Variants in PHYHIPL observed in about 807,000 individuals in gnomAD.
The protein encoded by PHYHIPL is phytanoyl-CoA 2-hydroxylase interacting protein like.
A neutral mutation model predicts 33.4 loss-of-function variants in PHYHIPL; 9 were observed. The ratio of observed to expected loss-of-function variants is 0.27; its 90% CI spans 0.16 to 0.47. The LOEUF (loss-of-function observed/expected upper bound fraction) is 0.47, where lower values mean the gene tolerates loss of function less well. Among genes scored for constraint, PHYHIPL ranks in the 20% least tolerant of loss-of-function variants. PHYHIPL has a pLI of 0.99. For missense variants in PHYHIPL, 365 were observed against 460.7 expected, an observed-to-expected ratio of 0.79 and a Z score of 1.90; for synonymous variants, 153 against 154.1, an observed-to-expected ratio of 0.99 and a Z score of 0.05.
chr10:59,224,872 A>G (rs1839885162), intron 1 of PHYHIPL, among the ~76,000 whole-genome samples: 2 of 152,142 alleles, frequency 1.3e-5, no homozygotes, highest in South Asian at 4.1e-4. Flanking sequence ...CTCTAAAGCC[A>G]TACTCAGAAA....
intron 1 of PHYHIPL, among the ~76,000 whole-genome samples, chr10:59,233,841 T>C (rs1323909988): frequency 6.6e-6 from 1 of 151,836 alleles, no homozygotes; most frequent in Non-Finnish European, 1.5e-5. Context: ...TATTTGTATA[T>C]GTAGTAAAAC....
At chr10:59,200,931 A>G (rs1839086186) in intron 1 of PHYHIPL, among the ~76,000 whole-genome samples, 4 of 151,956 alleles carry the variant, frequency 2.6e-5, no homozygotes, top group Admixed American at 2.0e-4. Context: ...TATTGTGTCT[A>G]TTTGATTCTT....
chr10:59,223,803 G>C lies in PHYHIPL; in HGVS notation c.107-10501G>C, dbSNP rs894231340. On this transcript the variant is annotated intron_variant, in intron 1 of 4. Transcript: ENST00000373880. ...GCCTCCCAAGTAGCTGAGACTAGGG[G>C]TGCATGCCACCACACCCAGCTAATT... Among the ~76,000 whole-genome samples the C allele has an allele frequency of 2.6e-5, 4 of 152,116 alleles. No homozygotes were observed. The South Asian group carries it at 8.3e-4, about 32-fold the overall frequency.
Position 59,245,316 on chromosome 10 carries a change from G to C in PHYHIPL, c.856G>C (p.Ala286Pro). 6.2e-7 allele frequency: 1 copy of C among 1,614,132 alleles called. No homozygotes were observed. Among genetic ancestry groups the C allele is most frequent in the East Asian group, 2.2e-5 (1 of 44,880 alleles). ...TTATCATTATGTGATTCTTGTTATT[G>C]CTCCTGTGGGATCACCAGGAGATGA... The part of the protein sequence containing the change: ...TAYHYVILVI[A>P]PVGSPGDEFC... Residue 286 changes from alanine to proline, a missense_variant, in exon 5 of 5, where the codon GCT becomes CCT. Around this residue, in one of 4 missense-constraint regions of PHYHIPL, gnomAD observed 196 missense variants for 224.9 expected, o/e 0.87. Coordinates refer to ENST00000373880, the MANE Select transcript of PHYHIPL (RefSeq NM_032439.4).
chr10:59,235,848 A>G (rs1840214434), intron 2 of PHYHIPL, among the ~76,000 whole-genome samples: 1 of 151,780 alleles, frequency 6.6e-6, no homozygotes, highest in Non-Finnish European at 1.5e-5. Flanking sequence ...TGACACATAG[A>G]CTCTATATTT....
intron 1 of PHYHIPL, among the ~76,000 whole-genome samples, chr10:59,222,717 G>T (rs184629157): frequency 4.0e-3 from 133 of 33,526 alleles, no homozygotes; most frequent in Middle Eastern, 0.017. Flanking sequence ...TCAGAAAAGT[G>T]GGGGGGGTTT....
At chr10:59,243,917 T>G (rs1483637055) in intron 4 of PHYHIPL, among the ~76,000 whole-genome samples, 2 of 152,122 alleles carry the variant, frequency 1.3e-5, no homozygotes, top group East Asian at 3.9e-4. Flanking sequence ...AAAGTTTTAC[T>G]CTTCATGGGA....
At chr10:59,237,662 T>C (rs541747047) in intron 3 of PHYHIPL, among the ~76,000 whole-genome samples, 2 of 152,026 alleles carry the variant, frequency 1.3e-5, no homozygotes, top group Admixed American at 6.6e-5. Context: ...TACTGTGAGC[T>C]AGGCACTGTA....
chr10:59,203,980 T>G (rs1839209790), intron 1 of PHYHIPL, among the ~76,000 whole-genome samples: 1 of 152,160 alleles, frequency 6.6e-6, no homozygotes, highest in African/African-American at 2.4e-5. Flanking sequence ...AAGGGTTATT[T>G]TCCGTTTACT....
At chr10:59,195,968 C>T (rs1258231458) in intron 1 of PHYHIPL, among the ~76,000 whole-genome samples, 1 of 151,988 alleles carries the variant, frequency 6.6e-6, no homozygotes, top group African/African-American at 2.4e-5. Context: ...TTAATGTTAG[C>T]TATAGAGCTT....
chr10:59,186,600 A>G (rs1370758458), intron 1 of PHYHIPL, among the ~76,000 whole-genome samples: 2 of 152,222 alleles, frequency 1.3e-5, no homozygotes, highest in East Asian at 3.8e-4. Flanking sequence ...ATCCATAAGC[A>G]TGGAATGTTT....
rs181585852 is a variant in PHYHIPL at position 59,184,050 on chromosome 10, G to A, written c.106+7091G>A. On this transcript the variant is annotated intron_variant, in intron 1 of 4. Coordinates refer to ENST00000373880, the MANE Select transcript of PHYHIPL (RefSeq NM_032439.4). ...AACATTTTAAAAGCTGTTGATAAAT[G>A]CCAACAAGAATTATGTAACTTTTGA... 9.5e-4 allele frequency among the ~76,000 whole-genome samples: 145 copies of A among 152,222 alleles called. 1 individual carries two copies. The highest frequency in any genetic ancestry group is 6.8e-3 in the Middle Eastern group (2 of 294).
Position 59,232,269 on chromosome 10 carries a change from A to C in PHYHIPL, c.107-2035A>C, listed in dbSNP as rs185562721. 2.1e-4 allele frequency among the ~76,000 whole-genome samples: 32 copies of C among 152,172 alleles called. No homozygotes were observed. The East Asian group carries it at 6.0e-3, about 28-fold the overall frequency. On this transcript the variant is annotated intron_variant, in intron 1 of 4. Coordinates refer to ENST00000373880, the MANE Select transcript of PHYHIPL (RefSeq NM_032439.4). ...ACGACTACCTAAGTAAGAAAGTTGC[A>C]TAAAAGTTAATCTAGTGGTTTTGTT... is the stretch of plus-strand genomic sequence containing the variant.
At chr10:59,203,311 T>C (rs973950133) in intron 1 of PHYHIPL, among the ~76,000 whole-genome samples, 11 of 152,222 alleles carry the variant, frequency 7.2e-5, no homozygotes, top group Non-Finnish European at 1.5e-5. Flanking sequence ...ACTTTTACAC[T>C]GTTGCTGGGA....
chr10:59,219,488 A>T (rs917488564), intron 1 of PHYHIPL, among the ~76,000 whole-genome samples: 5 of 152,200 alleles, frequency 3.3e-5, no homozygotes, highest in Non-Finnish European at 5.9e-5. Flanking sequence ...AAATTGTTGT[A>T]TCAATAATAG....
At chr10:59,237,381 C>T (rs1437347013) in intron 3 of PHYHIPL, among the ~76,000 whole-genome samples, 1 of 151,914 alleles carries the variant, frequency 6.6e-6, no homozygotes, top group African/African-American at 2.4e-5. Context: ...CATATCTCTA[C>T]CTGAGTACTC....
intron 1 of PHYHIPL, among the ~76,000 whole-genome samples, chr10:59,233,380 G>T (rs543728867): frequency 6.6e-6 from 1 of 151,898 alleles, no homozygotes; most frequent in South Asian, 2.1e-4. Flanking sequence ...GTTAAGGAAC[G>T]AGTTAAGTAA....
intron 1 of PHYHIPL, among the ~76,000 whole-genome samples, chr10:59,221,154 G>T (rs1589284534): frequency 6.6e-6 from 1 of 151,740 alleles, no homozygotes; most frequent in East Asian, 1.9e-4. Flanking sequence ...ATAATTGTTT[G>T]ATTTGTTCCA....
chr10:59,217,141 G>A (rs536312066), intron 1 of PHYHIPL, among the ~76,000 whole-genome samples: 1 of 152,138 alleles, frequency 6.6e-6, no homozygotes, highest in African/African-American at 2.4e-5. Flanking sequence ...ACAAAAACAT[G>A]TTATGTCCTG....
Sources: gnomAD v4.1 joint callset for allele counts (sites outside exome capture counted in the v4.1 genomes callset) on GRCh38, gnomAD v4.1.1 for gene constraint, gnomAD v4.1.1 regional missense constraint, MANE v1.5 for transcripts, NCBI Gene and HGNC (gene_info 2026-07-23, HGNC 2026-07-21) for gene names.